Variants in BRINP3 observed in about 807,000 individuals in gnomAD.
BRINP3 encodes BMP/retinoic acid-inducible neural-specific protein 3.
A neutral mutation model predicts 71.0 loss-of-function variants in BRINP3; 19 were observed. The ratio of observed to expected loss-of-function variants is 0.27; its 90% CI spans 0.19 to 0.39. BRINP3 has a LOEUF of 0.39. Ranked by LOEUF, BRINP3 falls within the 10% of genes least tolerant of loss-of-function variation. BRINP3 has a pLI of 1.00. For missense variants in BRINP3, 959 were observed against 940.8 expected, an observed-to-expected ratio of 1.02 and a Z score of -0.25; for synonymous variants, 380 against 337.7, an observed-to-expected ratio of 1.13 and a Z score of -1.37.
intron 6 of BRINP3, among the ~76,000 whole-genome samples, chr1:190,206,605 G>C (rs1571360485): frequency 6.6e-6 from 1 of 152,150 alleles, no homozygotes; most frequent in South Asian, 2.1e-4. Context: ...ATTCTTGCCA[G>C]AAAGTTAGAG....
rs147805813 is a variant in BRINP3, at chr1:190,201,785, C to T, written c.961+24297G>A. 5.5e-3 allele frequency among the ~76,000 whole-genome samples: 840 copies of T among 152,270 alleles called. 7 individuals carry two copies. The highest frequency in any genetic ancestry group is 0.018 in the African/African-American group (766 of 41,578). On this transcript the variant is annotated intron_variant, in intron 6 of 7. Transcript: ENST00000367462. ...GCCTTGCCAGCTTTCCCATGGTTTTCGGCCTGTGAATGCACGGAAGTCAAG... is the reference window on the plus strand; with the variant it reads ...GCCTTGCCAGCTTTCCCATGGTTTTTGGCCTGTGAATGCACGGAAGTCAAG...
At chr1:190,371,480 C>T (rs1264737146) in intron 2 of BRINP3, among the ~76,000 whole-genome samples, 1 of 152,132 alleles carries the variant, frequency 6.6e-6, no homozygotes, top group Non-Finnish European at 1.5e-5. Context: ...AATCAATTGA[C>T]TGTATATTTG....
rs368722885 is a variant in BRINP3 at position 190,371,650 on chromosome 1, G to A, written c.236+83005C>T. On this transcript the variant is annotated intron_variant, in intron 2 of 7. Transcript: ENST00000367462. ...TCTTTTTGCTCAATAGTTTTGACTA[G>A]TGTCTTTTATGGTTCCATATTAATT... 8.5e-5 allele frequency among the ~76,000 whole-genome samples: 13 copies of A among 152,238 alleles called. No homozygotes were observed. The South Asian group carries it at 2.1e-3, about 24-fold the overall frequency.
At chr1:190,448,546 T>A (rs1380800584) in intron 2 of BRINP3, among the ~76,000 whole-genome samples, 1 of 151,210 alleles carries the variant, frequency 6.6e-6, no homozygotes, top group Non-Finnish European at 1.5e-5. Flanking sequence ...CTTGTGACAG[T>A]TATGTTTTTT....
chr1:190,202,858 C>T (rs1655128222), intron 6 of BRINP3, among the ~76,000 whole-genome samples: 2 of 152,050 alleles, frequency 1.3e-5, no homozygotes, highest in Non-Finnish European at 2.9e-5. Context: ...GTAAATAGCC[C>T]ATTTCAGGTA....
chr1:190,185,612 G>T (rs16832174), intron 6 of BRINP3, among the ~76,000 whole-genome samples: 1 of 152,048 alleles, frequency 6.6e-6, no homozygotes, highest in South Asian at 2.1e-4. Flanking sequence ...GATTACAAAG[G>T]TGCAAAATTA....
intron 7 of BRINP3, among the ~76,000 whole-genome samples, chr1:190,127,751 A>T (rs1654208014): frequency 6.6e-6 from 1 of 151,868 alleles, no homozygotes; most frequent in Non-Finnish European, 1.5e-5. Flanking sequence ...ATATATGGCA[A>T]AATGGACCAC....
Position 190,240,590 on chromosome 1 carries a change from G to T in BRINP3, c.619-6113C>A, listed in dbSNP as rs551597692. ...AGGGTATTAAAACTCTCAAGTGGGG[G>T]TGGGTGTGATTGCTCAAGCATGTAA... On this transcript the variant is annotated intron_variant, in intron 4 of 7. Transcript: ENST00000367462. 7.2e-5 allele frequency among the ~76,000 whole-genome samples: 11 copies of T among 151,832 alleles called. No individual in the cohort carries two copies. The South Asian group carries it at 8.3e-4, about 11-fold the overall frequency.
chr1:190,271,912 A>T (rs1662143639), intron 3 of BRINP3, among the ~76,000 whole-genome samples: 1 of 151,552 alleles, frequency 6.6e-6, no homozygotes, highest in Non-Finnish European at 1.5e-5. Context: ...TTGTCCTATG[A>T]TACAACTGGA....
chr1:190,113,612 G>A (rs925036489), intron 7 of BRINP3, among the ~76,000 whole-genome samples: 4 of 152,116 alleles, frequency 2.6e-5, no homozygotes, highest in African/African-American at 9.7e-5. Context: ...AAATAGAGTT[G>A]AGTCAAAATA....
At chr1:190,299,834 T>A (rs1726568) in intron 2 of BRINP3, among the ~76,000 whole-genome samples, 58,740 of 151,630 alleles carry the variant, frequency 0.39, 12,657 homozygotes, top group Non-Finnish European at 0.49. Flanking sequence ...GGATATGAAA[T>A]TCTGGGTTGA....
chr1:190,121,655 A>C (rs541653721), intron 7 of BRINP3, among the ~76,000 whole-genome samples: 1 of 152,172 alleles, frequency 6.6e-6, no homozygotes, highest in Non-Finnish European at 1.5e-5. Context: ...ATTAATATAA[A>C]AGTTTAGGCA....
intron 3 of BRINP3, among the ~76,000 whole-genome samples, chr1:190,269,622 A>T (rs1331934300): frequency 6.7e-6 from 1 of 150,094 alleles, no homozygotes; most frequent in Non-Finnish European, 1.5e-5. Context: ...ACAAAAACAG[A>T]TAAAACTAGC....
At chr1:190,153,012 C>T (rs997113694) in intron 7 of BRINP3, among the ~76,000 whole-genome samples, 4 of 151,988 alleles carry the variant, frequency 2.6e-5, no homozygotes, top group Admixed American at 2.0e-4. Context: ...AAACCAAGGC[C>T]ATTTTAGAGC....
At chr1:190,257,270 G>C (rs572229920) in intron 4 of BRINP3, among the ~76,000 whole-genome samples, 1 of 152,112 alleles carries the variant, frequency 6.6e-6, no homozygotes, top group Admixed American at 6.5e-5. Context: ...TCTTCCACTT[G>C]ATCAAATTGG....
chr1:190,294,521 G>C (rs1176372415), intron 2 of BRINP3, among the ~76,000 whole-genome samples: 5 of 151,954 alleles, frequency 3.3e-5, no homozygotes, highest in African/African-American at 1.2e-4. Flanking sequence ...CAAAGAGCTT[G>C]GATTATAGGG....
intron 2 of BRINP3, among the ~76,000 whole-genome samples, chr1:190,368,521 A>G (rs992833693): frequency 3.9e-5 from 6 of 152,150 alleles, no homozygotes; most frequent in African/African-American, 1.4e-4. Flanking sequence ...AGTTTTGCCT[A>G]GGACTTTCCT....
chr1:190,412,143 A>G (rs1558263391), intron 2 of BRINP3, among the ~76,000 whole-genome samples: 1 of 151,916 alleles, frequency 6.6e-6, no homozygotes, highest in African/African-American at 2.4e-5. Context: ...GCAGAACTCA[A>G]TAAAAAAAAA....
chr1:190,412,314 AT>A (rs1236689399), intron 2 of BRINP3, among the ~76,000 whole-genome samples: 1 of 150,776 alleles, frequency 6.6e-6, no homozygotes, highest in Non-Finnish European at 1.5e-5. Flanking sequence ...CAATCTTGTG[AT>A]GAAGGAAATT....
Sources: gnomAD v4.1 joint callset for allele counts (sites outside exome capture counted in the v4.1 genomes callset) on GRCh38, gnomAD v4.1.1 for gene constraint, MANE v1.5 for transcripts, NCBI Gene and HGNC (gene_info 2026-07-23, HGNC 2026-07-21) for gene names.